Variants in ITPKA observed in about 807,000 individuals in gnomAD.
ITPKA encodes inositol-trisphosphate 3-kinase A.
ITPKA carries 16 observed loss-of-function variants against 40.7 expected under a neutral mutation model. The ratio of observed to expected loss-of-function variants is 0.39; its 90% CI spans 0.27 to 0.60. The LOEUF is 0.60. Among genes scored for constraint, ITPKA ranks in the 20% least tolerant of loss-of-function variants. The pLI, the probability that ITPKA is intolerant of heterozygous loss-of-function variation, is 0.50. For synonymous variants in ITPKA, 313 were observed against 289.9 expected, an observed-to-expected ratio of 1.08 and a Z score of -0.81; for missense variants, 540 against 649.3, an observed-to-expected ratio of 0.83 and a Z score of 1.83.
At chr15:41,497,656 G>A (rs977898767) in intron 1 of ITPKA, among the ~76,000 whole-genome samples, 15 of 152,156 alleles carry the variant, frequency 9.9e-5, no homozygotes, top group African/African-American at 3.4e-4. Context: ...ATTACTGGCA[G>A]GGGGGCTAAA....
chr15:41,496,294 C>A (rs2051070385), intron 1 of ITPKA, among the ~76,000 whole-genome samples: 1 of 152,222 alleles, frequency 6.6e-6, no homozygotes, highest in Non-Finnish European at 1.5e-5. Context: ...GGGCCGGACT[C>A]TAGGACTCCC....
rs1487665041 is a variant in ITPKA, at chr15:41,502,397, T to A, written c.1009-5T>A. On this transcript the variant is annotated splice_region_variant and splice_polypyrimidine_tract_variant and intron_variant, in intron 4 of 6. Transcript: ENST00000260386. The stretch of plus-strand genomic sequence containing the variant: ...GGGCCCCTGACACTCCTGTCCCACA[T>A]CCAGAAAGCGGACGGCTCCTGCAGC... 6 of 1,588,074 alleles carry A rather than the reference T, an allele frequency of 3.8e-6. No homozygotes were observed. Among genetic ancestry groups the A allele is most frequent in the Non-Finnish European group, 5.2e-6 (6 of 1,158,150 alleles).
At position 41,494,152 on chromosome 15, in the gene ITPKA, G is replaced by T. The variant is rs548638308; in HGVS notation, c.225G>T (p.Pro75=). 2 of 1,472,774 alleles carry T rather than the reference G, an allele frequency of 1.4e-6. No individual in the cohort carries two copies. The highest frequency in any genetic ancestry group is 3.0e-5 in the East Asian group (1 of 33,878). The allele number at this position is 1,472,774 out of a possible 1,614,324, so 91.2% of individuals were successfully genotyped here. Residue 75 remains proline (P), a synonymous_variant, in exon 1 of 7, where the codon CCG becomes CCT. Coordinates refer to ENST00000260386, the MANE Select transcript of ITPKA (RefSeq NM_002220.3). The surrounding 1 kb of genome is among the most constrained non-coding windows in gnomAD (Gnocchi z 7.8). Reference sequence around the variant, plus strand: ...CCAACGGGCTTCCGCGGGCTCCCCCGGCCCCGGTGATCCCTCAGCTGACCG... The same window carrying T: ...CCAACGGGCTTCCGCGGGCTCCCCCTGCCCCGGTGATCCCTCAGCTGACCG... ...QVPNGLPRAP[P]APVIPQLTVT... is the part of the protein sequence containing the mutation.
chr15:41,502,952 G>A lies in ITPKA; in HGVS notation c.1183-11G>A, dbSNP rs748854993. 8.8e-6 allele frequency: 14 copies of A among 1,595,920 alleles called. No homozygotes were observed. The highest frequency in any genetic ancestry group is 1.1e-5 in the South Asian group (1 of 89,730). ...GGGCAGGGCCGCGGCCTGACGGTGCGGGGCTCGCAGGTGATCGGCAGCTCG... is the reference window on the plus strand; with the variant it reads ...GGGCAGGGCCGCGGCCTGACGGTGCAGGGCTCGCAGGTGATCGGCAGCTCG... On this transcript the variant is annotated splice_polypyrimidine_tract_variant and intron_variant, in intron 6 of 6. Transcript: ENST00000260386.
At position 41,493,965 on chromosome 15, in the gene ITPKA, C is replaced by T. The variant is rs2051051347; in HGVS notation, c.38C>T (p.Pro13Leu). 9.5e-7 allele frequency: 1 copy of T among 1,054,186 alleles called. No individual in the cohort carries two copies. Among genetic ancestry groups the T allele is most frequent in the Non-Finnish European group, 1.1e-6 (1 of 875,732 alleles). 65.3% of individuals were successfully genotyped at this position (1,054,186 alleles called of 1,614,324 possible). A position where few individuals can be genotyped will look rare whatever the true frequency, so the allele number is the denominator to read the frequency against. The change falls in exon 1 of 7, where the codon CCG becomes CTG. Residue 13 changes from proline to leucine, a missense_variant. Coordinates refer to ENST00000260386, the MANE Select transcript of ITPKA (RefSeq NM_002220.3). ...GGGGGCCCAACGGGCATGGCGCGGC[C>T]GGGGGGCGCGAGGCCCTGCAGCCCG... is the stretch of plus-strand genomic sequence containing the variant. ...LPGGPTGMARPGGARPCSPGL... is the reference protein window; with the variant it reads ...LPGGPTGMARLGGARPCSPGL...
Position 41,502,424 on chromosome 15 carries a change from C to A in ITPKA, c.1031C>A (p.Thr344Asn), listed in dbSNP as rs2051122805. 1.2e-6 allele frequency: 2 copies of A among 1,603,770 alleles called. No homozygotes were observed. Among genetic ancestry groups the A allele is most frequent in the African/African-American group, 2.7e-5 (2 of 74,854 alleles). ...CAGAAAGCGGACGGCTCCTGCAGCA[C>A]CGACTTCAAGACTACGCGAAGCCGA... The part of the protein sequence containing the change: ...GIKKADGSCS[T>N]DFKTTRSREQ... Residue 344 changes from threonine to asparagine, a missense_variant, in exon 5 of 7, where the codon ACC becomes AAC. By Grantham distance (65) the Thr-to-Asn change is moderately conservative (BLOSUM62 0). Coordinates refer to ENST00000260386, the MANE Select transcript of ITPKA (RefSeq NM_002220.3).
At chr15:41,502,292 C>T in intron 4 of ITPKA, 91 bp downstream of exon 4, 2 of 1,306,530 alleles carry the variant, frequency 1.5e-6, no homozygotes, top group Non-Finnish European at 1.1e-6. Flanking sequence ...GCCCCTCCGC[C>T]CTCTCCCACC....
At chr15:41,496,713 A>G (rs906100610) in intron 1 of ITPKA, among the ~76,000 whole-genome samples, 1 of 152,168 alleles carries the variant, frequency 6.6e-6, no homozygotes, top group Non-Finnish European at 1.5e-5. Flanking sequence ...ATTCCCACAC[A>G]TCGCTTTCCA....
rs1595450002 is a variant in ITPKA at position 41,501,853 on chromosome 15, T to G, written c.803+2T>G. The G allele has an allele frequency of 6.2e-7, 1 of 1,612,108 alleles. No individual in the cohort carries two copies. Among genetic ancestry groups the G allele is most frequent in the Non-Finnish European group, 8.5e-7 (1 of 1,179,282 alleles). ...GCTCGACTGCAAAATGGGCGTCAGG[T>G]ATGCGTGCCCTGCCAGGTCGGTTGG... On this transcript the variant is annotated splice_donor_variant, in intron 3 of 6. Transcript: ENST00000260386. LOFTEE classifies it high-confidence loss of function.
rs1465244819 is a variant in ITPKA at position 41,493,924 on chromosome 15, G to A, written c.-4G>A. On this transcript the variant is annotated 5_prime_UTR_variant, in exon 1 of 7. Coordinates refer to ENST00000260386, the MANE Select transcript of ITPKA (RefSeq NM_002220.3). ...GGGCTCAGCGGCGGCGCCGGCACTG[G>A]GAAATGACCCTGCCCGGGGGCCCAA... is the stretch of plus-strand genomic sequence containing the variant. 23 of 1,017,750 alleles carry A rather than the reference G, an allele frequency of 2.3e-5. No individual in the cohort carries two copies. In the Admixed American group the frequency reaches 6.4e-4, roughly 28 times the overall value. 63.0% of individuals were successfully genotyped at this position (1,017,750 alleles called of 1,614,324 possible). A position where few individuals can be genotyped will look rare whatever the true frequency, so the allele number is the denominator to read the frequency against.
Position 41,502,069 on chromosome 15 carries a change from G to C in ITPKA, c.876G>C (p.Met292Ile). The change falls in exon 4 of 7, where the codon ATG (methionine) becomes ATC (isoleucine). Residue 292 changes from methionine (M) to isoleucine (I), a missense_variant. Met to Ile is a conservative substitution (Grantham distance 10). Transcript: ENST00000260386. The stretch of plus-strand genomic sequence containing the variant: ...TGCGGAAGGACATGTACAAGAAAAT[G>C]CTGGCGGTGGATCCTGAAGCTCCCA... Reference protein sequence around the residue: ...PKLRKDMYKKMLAVDPEAPTE... With the variant: ...PKLRKDMYKKILAVDPEAPTE... 6.2e-7 allele frequency: 1 copy of C among 1,613,254 alleles called. No homozygotes were observed. The highest frequency in any genetic ancestry group is 8.5e-7 in the Non-Finnish European group (1 of 1,179,936).
intron 1 of ITPKA, among the ~76,000 whole-genome samples, chr15:41,497,729 T>A (rs1422560277): frequency 6.6e-6 from 1 of 152,030 alleles, no homozygotes; most frequent in African/African-American, 2.4e-5. Flanking sequence ...GGTATGAAAA[T>A]CTTTTGTAGG....
chr15:41,498,635 C>T (rs2051089965), intron 1 of ITPKA, among the ~76,000 whole-genome samples: 1 of 152,180 alleles, frequency 6.6e-6, no homozygotes, highest in South Asian at 2.1e-4. Context: ...CCACTATCCC[C>T]TAAATTCTTC....
At chr15:41,499,693 GC>G (rs1283793935) in intron 1 of ITPKA, among the ~76,000 whole-genome samples, 1 of 152,138 alleles carries the variant, frequency 6.6e-6, no homozygotes, top group African/African-American at 2.4e-5. Context: ...GTGTAACTGT[GC>G]TAAAAGGCAA....
chr15:41,502,212 C>T lies in ITPKA; in HGVS notation c.1008+11C>T, dbSNP rs2051118693. On this transcript the variant is annotated intron_variant, in intron 4 of 6. Coordinates refer to ENST00000260386, the MANE Select transcript of ITPKA (RefSeq NM_002220.3). ...ATCGAGGGCATCAAGGTGAGGCAGG[C>T]GCGCTTCGCTGGCACCGCCGCAGCC... The T allele has an allele frequency of 6.4e-7, 1 of 1,558,166 alleles. No individual in the cohort carries two copies. Among genetic ancestry groups the T allele is most frequent in the Non-Finnish European group, 8.7e-7 (1 of 1,150,030 alleles).
At position 41,493,966 on chromosome 15, in the gene ITPKA, G is replaced by T. The variant is rs1478499155; in HGVS notation, c.39G>T (p.Pro13=). 1.9e-6 allele frequency: 2 copies of T among 1,057,354 alleles called. No homozygotes were observed. The highest frequency in any genetic ancestry group is 3.4e-5 in the African/African-American group (2 of 58,584). 65.5% of individuals were successfully genotyped at this position (1,057,354 alleles called of 1,614,324 possible). ...LPGGPTGMAR[P]GGARPCSPGL... ...GGGGCCCAACGGGCATGGCGCGGCC[G>T]GGGGGCGCGAGGCCCTGCAGCCCGG... The change falls in exon 1 of 7, where the codon CCG becomes CCT. Residue 13 remains proline (P), a synonymous_variant. Transcript: ENST00000260386.
In ITPKA at chr15:41,502,784, G is replaced by A. The variant is rs1320303203; in HGVS notation, c.1111-4G>A. On this transcript the variant is annotated splice_region_variant and splice_polypyrimidine_tract_variant and intron_variant, in intron 5 of 6. Coordinates refer to ENST00000260386, the MANE Select transcript of ITPKA (RefSeq NM_002220.3). ...GCCCTCCTCTCCCACCCCACCCTCT[G>A]CAGAGGCGGTATCTGAACCGCCTGC... 6.2e-7 allele frequency: 1 copy of A among 1,605,464 alleles called. No individual in the cohort carries two copies. Among genetic ancestry groups the A allele is most frequent in the Non-Finnish European group, 8.5e-7 (1 of 1,175,116 alleles).
intron 4 of ITPKA, 94 bp from the exon 5 acceptor site, chr15:41,502,308 G>A: frequency 7.5e-7 from 1 of 1,341,816 alleles, no homozygotes; most frequent in Non-Finnish European, 1.0e-6. Flanking sequence ...CCACCGCCTC[G>A]CCGTCCCCTG....
Position 41,502,183 on chromosome 15 carries a change from C to T in ITPKA, c.990C>T (p.Phe330=), listed in dbSNP as rs1216110209. ...EGISSSTTLG[F]RIEGIKKADG... ...TCAGCTCCAGCACCACCCTCGGCTTCCGCATCGAGGGCATCAAGGTGAGGC... is the reference window on the plus strand; with the variant it reads ...TCAGCTCCAGCACCACCCTCGGCTTTCGCATCGAGGGCATCAAGGTGAGGC... Residue 330 remains phenylalanine, a synonymous_variant, in exon 4 of 7, where the codon TTC becomes TTT. Coordinates refer to ENST00000260386, the MANE Select transcript of ITPKA (RefSeq NM_002220.3). The T allele has an allele frequency of 6.3e-7, 1 of 1,582,940 alleles. No individual in the cohort carries two copies. Among genetic ancestry groups the T allele is most frequent in the East Asian group, 2.3e-5 (1 of 43,258 alleles).
Sources: gnomAD v4.1 joint callset for allele counts (sites outside exome capture counted in the v4.1 genomes callset) on GRCh38, gnomAD v4.1.1 for gene constraint, Gnocchi (gnomAD v3.1) non-coding constraint, MANE v1.5 for transcripts, NCBI Gene and HGNC (gene_info 2026-07-23, HGNC 2026-07-21) for gene names.